GABRA3: variants seen among roughly 807,000 people sequenced by gnomAD.
GABRA3 encodes gamma-aminobutyric acid type A receptor subunit alpha3, also known as gamma-aminobutyric acid receptor subunit alpha-3.
Under a neutral mutation model 30.1 loss-of-function variants are expected in GABRA3, and 10 were observed. That is an observed-to-expected ratio of 0.33 (90% confidence interval 0.20 to 0.56). The LOEUF (loss-of-function observed/expected upper bound fraction) is 0.56, where lower values mean the gene tolerates loss of function less well. GABRA3 is among the 20% of genes least tolerant of loss of function. GABRA3 has a pLI of 0.89. For missense variants in GABRA3, 233 were observed against 392.0 expected, an observed-to-expected ratio of 0.59 and a Z score of 3.42; for synonymous variants, 151 against 146.8, an observed-to-expected ratio of 1.03 and a Z score of -0.21.
intron 1 of GABRA3, among the ~76,000 whole-genome samples, chrX:152,434,687 T>C (rs1259207927): frequency 1.8e-5 from 2 of 111,800 alleles, no homozygotes; most frequent in African/African-American, 3.2e-5. Flanking sequence ...GAATAATACA[T>C]CATGACCAAA....
intron 1 of GABRA3, among the ~76,000 whole-genome samples, chrX:152,381,332 C>T (rs965695691): frequency 1.8e-5 from 2 of 111,590 alleles, no homozygotes; most frequent in African/African-American, 3.3e-5. Context: ...TTTTCATGTA[C>T]TTGTTTGCCA....
At chrX:152,325,113 C>T (rs1940032055) in intron 3 of GABRA3, among the ~76,000 whole-genome samples, 1 of 111,136 alleles carries the variant, frequency 9.0e-6, no homozygotes, top group Non-Finnish European at 1.9e-5. Context: ...TGGTAGATTA[C>T]AGAGCAGCAT....
At chrX:152,401,511 T>C (rs1929795718) in intron 1 of GABRA3, among the ~76,000 whole-genome samples, 1 of 111,633 alleles carries the variant, frequency 9.0e-6, no homozygotes, top group African/African-American at 3.3e-5. Flanking sequence ...GATAAAAATC[T>C]AAAACACAAA....
At chrX:152,416,941 T>C (rs1359956630) in intron 1 of GABRA3, among the ~76,000 whole-genome samples, 1 of 105,386 alleles carries the variant, frequency 9.5e-6, no homozygotes, top group Non-Finnish European at 1.9e-5. Flanking sequence ...AACCTAGGCT[T>C]TACCATTCAG....
intron 1 of GABRA3, among the ~76,000 whole-genome samples, chrX:152,435,093 T>C (rs1241960667): frequency 9.0e-6 from 1 of 111,708 alleles, no homozygotes; most frequent in African/African-American, 3.3e-5. Flanking sequence ...AAAAAAGATA[T>C]GATTTGGAAA....
chrX:152,324,706 T>A (rs1603241599), intron 3 of GABRA3, among the ~76,000 whole-genome samples: 1 of 111,754 alleles, frequency 8.9e-6, no homozygotes, highest in Admixed American at 9.6e-5. Context: ...ATAAAAATTA[T>A]AGTCAATACA....
chrX:152,371,403 T>C (rs967689671), intron 1 of GABRA3, among the ~76,000 whole-genome samples: 3 of 111,234 alleles, frequency 2.7e-5, no homozygotes, highest in Non-Finnish European at 5.7e-5. Context: ...CTTTTCCCTG[T>C]TACCAGGAGT....
At chrX:152,286,107 C>CTTATATACTATTAGTATAGTATATAAG (rs1569382963) in intron 3 of GABRA3, among the ~76,000 whole-genome samples, 1 of 83,542 alleles carries the variant, frequency 1.2e-5, no homozygotes, top group Non-Finnish European at 2.4e-5. Flanking sequence ...AAGTTATATA[C>CTTATATACTATTAGTATAGTATATAAG]TTATATACTA....
intron 6 of GABRA3, among the ~76,000 whole-genome samples, chrX:152,224,231 G>T (rs967909360): frequency 8.9e-6 from 1 of 111,842 alleles, no homozygotes; most frequent in Non-Finnish European, 1.9e-5. Flanking sequence ...TTTGAAAATG[G>T]ACTATATATT....
chrX:152,375,686 C>T (rs781480514), intron 1 of GABRA3, among the ~76,000 whole-genome samples: 17 of 112,326 alleles, frequency 1.5e-4, no homozygotes, highest in Non-Finnish European at 2.4e-4. Context: ...TCTGTTTTGT[C>T]TTAGACTGAT....
intron 5 of GABRA3, among the ~76,000 whole-genome samples, chrX:152,232,092 T>C (rs1569363333): frequency 8.9e-6 from 1 of 111,848 alleles, no homozygotes; most frequent in Admixed American, 9.5e-5. Flanking sequence ...TGCACAATTC[T>C]ATAAATCTAC....
chrX:152,416,616 C>A (rs1930227356), intron 1 of GABRA3, among the ~76,000 whole-genome samples: 1 of 111,069 alleles, frequency 9.0e-6, no homozygotes, highest in African/African-American at 3.3e-5. Flanking sequence ...TACCTGACTT[C>A]AAACTATACT....
At chrX:152,281,868 A>G (rs1939204813) in intron 4 of GABRA3, among the ~76,000 whole-genome samples, 1 of 112,504 alleles carries the variant, frequency 8.9e-6, no homozygotes, top group South Asian at 3.6e-4. Flanking sequence ...TCTGTCCTTG[A>G]AAATTTTTCA....
chrX:152,429,278 T>TCTCC (rs967236456), intron 1 of GABRA3, among the ~76,000 whole-genome samples: 82 of 109,963 alleles, frequency 7.5e-4, no homozygotes, highest in African/African-American at 2.5e-3. Context: ...ATGGTCTCTC[T>TCTCC]CTCCCTCCCT....
chrX:152,293,697 G>A (rs892790813), intron 3 of GABRA3, among the ~76,000 whole-genome samples: 3 of 111,476 alleles, frequency 2.7e-5, no homozygotes, highest in African/African-American at 6.5e-5. Flanking sequence ...TTGCCCATTC[G>A]TTGATGCAAT....
chrX:152,327,956 A>C (rs1036815867), intron 3 of GABRA3, among the ~76,000 whole-genome samples: 16 of 111,597 alleles, frequency 1.4e-4, no homozygotes, highest in African/African-American at 4.9e-4. Flanking sequence ...ACTGCTAGCA[A>C]GACTAAAAAA....
intron 1 of GABRA3, among the ~76,000 whole-genome samples, chrX:152,441,715 TGTG>T (rs1391495650): frequency 9.0e-6 from 1 of 111,512 alleles, no homozygotes; most frequent in Non-Finnish European, 1.9e-5. Context: ...AATTAGGCAA[TGTG>T]GTGGAGTTTG....
chrX:152,443,697 AGAGT>A (rs998847376), intron 1 of GABRA3, among the ~76,000 whole-genome samples: 1 of 111,740 alleles, frequency 8.9e-6, no homozygotes, highest in Admixed American at 9.5e-5. Flanking sequence ...AGAAAGGGGA[AGAGT>A]GAGTGTTGGA....
intron 5 of GABRA3, among the ~76,000 whole-genome samples, chrX:152,252,610 A>G (rs1938575242): frequency 8.9e-6 from 1 of 111,761 alleles, no homozygotes; most frequent in African/African-American, 3.2e-5. Context: ...TACTTATACT[A>G]TTAGTGGTGT....
Sources: allele counts gnomAD v4.1 joint callset (sites outside exome capture counted in the v4.1 genomes callset), GRCh38; gene constraint gnomAD v4.1.1; transcripts MANE v1.5; gene names NCBI Gene and HGNC (gene_info 2026-07-23, HGNC 2026-07-21).